Variants in C4orf50 observed in about 807,000 individuals in gnomAD.
C4orf50 encodes the protein uncharacterized protein C4orf50.
In C4orf50, 80 loss-of-function variants were observed where a neutral mutation model predicts 77.2. That is an observed-to-expected ratio of 1.04 (90% CI 0.87 to 1.25). C4orf50 has a LOEUF of 1.25. Ranked by LOEUF, C4orf50 falls within the 50% of genes most tolerant of loss-of-function variation. The pLI is 0.00. For missense variants in C4orf50, 1,257 were observed against 1,152.9 expected (o/e 1.09, Z -1.31); for synonymous variants, 532 against 465.3 (o/e 1.14, Z -1.84).
intron 31 of C4orf50, among the ~76,000 whole-genome samples, chr4:5,971,335 C>T (rs1719897281): frequency 6.6e-6 from 1 of 152,230 alleles, no homozygotes. Flanking sequence ...CACGCCCACC[C>T]TGCTGTCCAC....
At chr4:5,913,613 C>T (rs113741094) in intron 7 of C4orf50, among the ~76,000 whole-genome samples, 3,426 of 152,270 alleles carry the variant, frequency 0.022, 62 homozygotes, top group South Asian at 0.045. Flanking sequence ...CTTAACATTC[C>T]GGTCCAATTG....
rs1470828887 is a variant in C4orf50 at position 5,952,072 on chromosome 4, T to C, written c.*2474+4829A>G. 6.6e-6 allele frequency among the ~76,000 whole-genome samples: 1 copy of C among 152,186 alleles called. No homozygotes were observed. Among genetic ancestry groups the C allele is most frequent in the Non-Finnish European group, 1.5e-5 (1 of 68,042 alleles). On this transcript the variant is annotated intron_variant, in intron 7 of 7. Coordinates refer to the C4orf50 transcript ENST00000324058. The surrounding 1 kb of genome is among the most constrained non-coding windows in gnomAD (Gnocchi z 4.4). ...ATTAAAATAAAATGAATCAACTAGT[T>C]CATGGAGTCATTCAACAAGCATGTA...
intron 28 of C4orf50, among the ~76,000 whole-genome samples, chr4:5,980,846 G>A (rs1368624291): frequency 6.6e-6 from 1 of 152,148 alleles, no homozygotes. Context: ...AAGATACTGT[G>A]TCTCCCACAG....
At chr4:5,898,817 C>A (rs937150573) in intron 7 of C4orf50, 1 of 152,174 alleles carries the variant, frequency 6.6e-6, no homozygotes, top group Non-Finnish European at 1.5e-5. Flanking sequence ...TTGGACACAG[C>A]CTGCTGGTGT....
exon 33 of C4orf50, chr4:5,965,114 G>C: frequency 6.2e-7 from 1 of 1,613,434 alleles, no homozygotes; most frequent in Non-Finnish European, 8.5e-7. Flanking sequence ...GGAGGACACT[G>C]TCCATTTCAG....
At chr4:5,972,430 T>G (rs1241641876) in intron 31 of C4orf50, among the ~76,000 whole-genome samples, 1 of 152,250 alleles carries the variant, frequency 6.6e-6, no homozygotes, top group East Asian at 1.9e-4. Context: ...AGGAGTCTTG[T>G]ACCCCTTGGG....
intron 25 of C4orf50, among the ~76,000 whole-genome samples, chr4:6,004,123 TA>T (rs1722052808): frequency 2.1e-4 from 5 of 23,472 alleles, no homozygotes; most frequent in Admixed American, 4.4e-4. Flanking sequence ...ATGATGGTGA[TA>T]GTGATGATGG....
intron 7 of C4orf50, chr4:5,902,696 A>C (rs1270483860): frequency 3.9e-5 from 6 of 152,150 alleles, no homozygotes; most frequent in Admixed American, 3.9e-4. Flanking sequence ...GTTGCCTGAC[A>C]TGGCCTGTGC....
rs577307728 is a variant in C4orf50, at chr4:5,980,488, GAAGAT to G, written c.3700-155_3700-151del. On this transcript the variant is annotated intron_variant, in intron 28 of 33. Transcript: ENST00000531445. Reference sequence around the variant, plus strand: ...TATATTTCTCTTACAGTAAGTTTTAGAAGATAAGGTAGCAGAAATCACTCCCAATC... The same window carrying G: ...TATATTTCTCTTACAGTAAGTTTTAGAAGGTAGCAGAAATCACTCCCAATC... The G allele has an allele frequency of 3.6e-4, 249 of 689,012 alleles. 1 individual carries two copies. The highest frequency in any genetic ancestry group is 1.2e-3 in the South Asian group (61 of 50,812). 42.7% of individuals were successfully genotyped at this position (689,012 alleles called of 1,614,324 possible).
intron 7 of C4orf50, among the ~76,000 whole-genome samples, chr4:5,924,423 A>G (rs974995196): frequency 3.3e-5 from 5 of 152,196 alleles, no homozygotes; most frequent in Admixed American, 2.0e-4. Context: ...CTTAGCGAGA[A>G]CTGGGACAGG....
At chr4:6,016,665 A>G (rs1161501218) in intron 23 of C4orf50, among the ~76,000 whole-genome samples, 1 of 152,172 alleles carries the variant, frequency 6.6e-6, no homozygotes, top group African/African-American at 2.4e-5. Flanking sequence ...GTGCTTTGTC[A>G]TGGCAACCCA....
chr4:5,922,089 T>A (rs1717300663), intron 7 of C4orf50, among the ~76,000 whole-genome samples: 1 of 152,108 alleles, frequency 6.6e-6, no homozygotes, highest in Admixed American at 6.5e-5. Context: ...ACTTGAGAGA[T>A]CCCAGGGTGG....
exon 28 of C4orf50, chr4:5,990,104 C>T (rs1721174469): frequency 7.8e-7 from 1 of 1,284,392 alleles, no homozygotes; most frequent in East Asian, 2.8e-5. Flanking sequence ...TATCCTTCCA[C>T]CCTTTCCCTC....
At chr4:5,978,283 A>T (rs1284816966) in intron 29 of C4orf50, among the ~76,000 whole-genome samples, 1 of 151,976 alleles carries the variant, frequency 6.6e-6, no homozygotes, top group African/African-American at 2.4e-5. Flanking sequence ...GATGTTCAGG[A>T]ATTACATTAC....
At position 6,015,813 on chromosome 4, in the gene C4orf50, C is replaced by T. The variant is rs1722661924; in HGVS notation, c.287+2332G>A. Reference sequence around the variant, plus strand: ...CTTTGGAGCCAGCTGCATGCAATCCCACACTGGCGGCCACACTGCCATCCC... The same window carrying T: ...CTTTGGAGCCAGCTGCATGCAATCCTACACTGGCGGCCACACTGCCATCCC... On this transcript the variant is annotated intron_variant, in intron 23 of 33. Coordinates refer to ENST00000531445, the Ensembl canonical transcript of C4orf50. The surrounding 1 kb of genome is among the most constrained non-coding windows in gnomAD (Gnocchi z 4.4). Among the ~76,000 whole-genome samples the T allele has an allele frequency of 6.6e-6, 1 of 152,186 alleles. No individual in the cohort carries two copies. Among genetic ancestry groups the T allele is most frequent in the African/African-American group, 2.4e-5 (1 of 41,456 alleles).
chr4:5,901,110 C>T lies in C4orf50; in HGVS notation c.*2475-2922G>A, dbSNP rs115335725. The T allele has an allele frequency of 2.4e-3, 373 of 152,372 alleles. 1 individual carries two copies. The highest frequency in any genetic ancestry group is 8.5e-3 in the African/African-American group (354 of 41,580). 9.4% of individuals were successfully genotyped at this position (152,372 alleles called of 1,614,324 possible). On this transcript the variant is annotated intron_variant, in intron 7 of 7. Coordinates refer to the C4orf50 transcript ENST00000324058. This position sits in a 1 kb window ranked among gnomAD's most constrained non-coding sequence, Gnocchi z 4.4. ...AAACGTTGCTATGCCAACTAGCTGG[C>T]TGTTGCTAATCATAATCTATGAATG...
At chr4:6,005,888 T>C (rs1722231654) in intron 25 of C4orf50, among the ~76,000 whole-genome samples, 1 of 152,144 alleles carries the variant, frequency 6.6e-6, no homozygotes, top group African/African-American at 2.4e-5. Flanking sequence ...CCGGGGCCAC[T>C]GGGACTTTTA....
intron 7 of C4orf50, among the ~76,000 whole-genome samples, chr4:5,923,909 C>T (rs59569378): frequency 6.6e-6 from 1 of 152,078 alleles, no homozygotes; most frequent in Non-Finnish European, 1.5e-5. Flanking sequence ...CTGCCAGCGT[C>T]GCTAGAATAA....
intron 33 of C4orf50, 68 bp downstream of exon 11, chr4:5,964,956 G>T: frequency 6.7e-7 from 1 of 1,493,770 alleles, no homozygotes; most frequent in Non-Finnish European, 9.2e-7. Flanking sequence ...AATTTGCTAA[G>T]CTGTAAATGT....
Sources: allele counts gnomAD v4.1 joint callset (sites outside exome capture counted in the v4.1 genomes callset), GRCh38; gene constraint gnomAD v4.1.1; non-coding constraint Gnocchi (gnomAD v3.1); transcripts MANE v1.5; gene names NCBI Gene and HGNC (gene_info 2026-07-23, HGNC 2026-07-21).